Variants in OR56A1 observed in about 807,000 individuals in gnomAD.
The protein encoded by OR56A1 is olfactory receptor 56A1.
For missense variants in OR56A1, 360 were observed against 380.9 expected, an observed-to-expected ratio of 0.94 and a Z score of 0.46; for synonymous variants, 174 against 159.1, an observed-to-expected ratio of 1.09 and a Z score of -0.70.
intron 1 of OR56A1, among the ~76,000 whole-genome samples, chr11:6,028,099 T>C (rs1848475280): frequency 1.3e-5 from 2 of 152,124 alleles, no homozygotes; most frequent in Admixed American, 1.3e-4. Flanking sequence ...TTTAATTAGG[T>C]CTTTGCTTTC....
In OR56A1 at chr11:6,027,590, T is replaced by C. The variant is rs753593125; in HGVS notation, c.103A>G (p.Ser35Gly). The C allele has an allele frequency of 1.2e-6, 2 of 1,613,872 alleles. No individual in the cohort carries two copies. The highest frequency in any genetic ancestry group is 2.2e-5 in the East Asian group (1 of 44,862). ...SWQHWLSLPL[S>G]LLFLLAMGAN... ...CCCATGGCCAGGAGGAAGAGAAGGC[T>C]GAGGGGCAGGGAGAGCCAGTGCTGC... The change falls in exon 2 of 2, where the codon AGC becomes GGC. Residue 35 changes from serine to glycine, a missense_variant. Physicochemically the swap from Ser to Gly is moderately conservative, Grantham distance 56. Transcript: ENST00000641900.
rs759154369 is a variant in OR56A1 at position 6,020,833 on chromosome 11, CTAA to C, written c.*5912_*5914del. The C allele has an allele frequency of 8.5e-5, 13 of 152,060 alleles. No homozygotes were observed. The highest frequency in any genetic ancestry group is 1.5e-4 in the Non-Finnish European group (10 of 67,972). The allele number at this position is 152,060 out of a possible 1,614,324, so 9.4% of individuals were successfully genotyped here. On this transcript the variant is annotated 3_prime_UTR_variant, in exon 2 of 2. Coordinates refer to ENST00000641900, the MANE Select transcript of OR56A1 (RefSeq NM_001388488.1). ...TGCCTGATTGCTCTGGCTAGGACTTCTAATACTATGTTGAACAGAAGTGGTGAG... is the reference window on the plus strand; with the variant it reads ...TGCCTGATTGCTCTGGCTAGGACTTCTACTATGTTGAACAGAAGTGGTGAG...
intron 1 of OR56A1, among the ~76,000 whole-genome samples, chr11:6,028,285 C>T (rs902601087): frequency 5.3e-5 from 8 of 150,582 alleles, no homozygotes; most frequent in Non-Finnish European, 7.4e-5. Flanking sequence ...CATCCTAGTG[C>T]TCCTGGAATA....
At chr11:6,028,086 A>G (rs1023742563) in intron 1 of OR56A1, among the ~76,000 whole-genome samples, 8 of 152,140 alleles carry the variant, frequency 5.3e-5, no homozygotes, top group Admixed American at 3.9e-4. Context: ...GGAGAAAAAT[A>G]GCTTTAATTA....
intron 1 of OR56A1, among the ~76,000 whole-genome samples, chr11:6,030,382 CA>C (rs147173456): frequency 0.13 from 20,262 of 151,936 alleles, 1,806 homozygotes; most frequent in Non-Finnish European, 0.2. Flanking sequence ...GGGAAGAAAC[CA>C]TGTGTGGTTT....
upstream of OR56A1, among the ~76,000 whole-genome samples, chr11:6,033,996 A>G (rs1018701212): frequency 4.6e-5 from 7 of 152,144 alleles, no homozygotes; most frequent in Non-Finnish European, 7.4e-5. Flanking sequence ...TGTGGGATCT[A>G]TAGACCTTCT....
Position 6,019,761 on chromosome 11 carries a change from C to T in OR56A1, c.*6987G>A, listed in dbSNP as rs998397136. The T allele has an allele frequency of 6.6e-6, 1 of 152,092 alleles. No individual in the cohort carries two copies. Among genetic ancestry groups the T allele is most frequent in the African/African-American group, 2.4e-5 (1 of 41,436 alleles). 9.4% of individuals were successfully genotyped at this position (152,092 alleles called of 1,614,324 possible). ...TAAGATACTAAACCTGACTTCTAAA[C>T]TTAAAATTCAAGTTCTCATTAAGCC... On this transcript the variant is annotated 3_prime_UTR_variant, in exon 2 of 2. Coordinates refer to ENST00000641900, the MANE Select transcript of OR56A1 (RefSeq NM_001388488.1).
At chr11:6,031,607 A>ACC (rs974252069), upstream of OR56A1, among the ~76,000 whole-genome samples, 39 of 152,284 alleles carry the variant, frequency 2.6e-4, no homozygotes, top group East Asian at 6.8e-3. Flanking sequence ...AATAGGTGAG[A>ACC]AGCCCAGAGT....
upstream of OR56A1, among the ~76,000 whole-genome samples, chr11:6,030,988 T>C (rs1590491021): frequency 6.6e-6 from 1 of 152,260 alleles, no homozygotes; most frequent in Middle Eastern, 3.4e-3. Context: ...ATGAGCAGAA[T>C]AATAGGAAGG....
At chr11:6,028,065 T>C (rs1329572518) in intron 1 of OR56A1, among the ~76,000 whole-genome samples, 1 of 152,176 alleles carries the variant, frequency 6.6e-6, no homozygotes, top group Non-Finnish European at 1.5e-5. Context: ...AGTTTTTTAA[T>C]AAATCATTTT....
chr11:6,022,455 A>T lies in OR56A1; in HGVS notation c.*4293T>A, dbSNP rs899404054. The T allele has an allele frequency of 5.3e-5, 8 of 152,154 alleles. No individual in the cohort carries two copies. The highest frequency in any genetic ancestry group is 1.9e-4 in the African/African-American group (8 of 41,430). The allele number at this position is 152,154 out of a possible 1,614,324, so 9.4% of individuals were successfully genotyped here. On this transcript the variant is annotated 3_prime_UTR_variant, in exon 2 of 2. Transcript: ENST00000641900. ...TGTGCTATCATTGTTACAGTAGCTAACTTTAATTGCATTGACTAATTCAAT... is the reference window on the plus strand; with the variant it reads ...TGTGCTATCATTGTTACAGTAGCTATCTTTAATTGCATTGACTAATTCAAT...
In OR56A1 at chr11:6,027,349, G is replaced by A. The variant is rs1367517017; in HGVS notation, c.344C>T (p.Ser115Phe). 9 of 1,614,196 alleles carry A rather than the reference G, an allele frequency of 5.6e-6. No homozygotes were observed. In the East Asian group the frequency reaches 6.7e-5, roughly 12 times the overall value. Reference protein sequence around the residue: ...FIMNSFLPMESCTFMVMAYDR... With the variant: ...FIMNSFLPMEFCTFMVMAYDR... The stretch of plus-strand genomic sequence containing the variant: ...ATAGGCCATGACCATAAACGTGCAG[G>A]ACTCCATGGGGAGGAAACTGTTCAT... Residue 115 changes from serine (S) to phenylalanine (F), a missense_variant, in exon 2 of 2, where the codon TCC (serine) becomes TTC (phenylalanine). Physicochemically the swap from Ser to Phe is radical, Grantham distance 155. Transcript: ENST00000641900.
chr11:6,027,325 T>A lies in OR56A1; in HGVS notation c.368A>T (p.Tyr123Phe), dbSNP rs1729047994. ...MESCTFMVMAYDRYVAICHPL... is the reference protein window; with the variant it reads ...MESCTFMVMAFDRYVAICHPL... ...GTGGCAGATGGCCACATAACGGTCATAGGCCATGACCATAAACGTGCAGGA... is the reference window on the plus strand; with the variant it reads ...GTGGCAGATGGCCACATAACGGTCAAAGGCCATGACCATAAACGTGCAGGA... Residue 123 changes from tyrosine to phenylalanine, a missense_variant, in exon 2 of 2, where the codon TAT (tyrosine) becomes TTT (phenylalanine). Tyr to Phe is a conservative substitution (Grantham distance 22). Transcript: ENST00000641900. 1 of 1,614,230 alleles carries A rather than the reference T, an allele frequency of 6.2e-7. No homozygotes were observed. Among genetic ancestry groups the A allele is most frequent in the Non-Finnish European group, 8.5e-7 (1 of 1,180,046 alleles).
intron 1 of OR56A1, among the ~76,000 whole-genome samples, chr11:6,029,520 G>A (rs1179740125): frequency 3.3e-5 from 5 of 151,972 alleles, no homozygotes; most frequent in Non-Finnish European, 5.9e-5. Flanking sequence ...ACTTCAATTT[G>A]GCTTCCATCT....
In OR56A1 at chr11:6,027,192, G is replaced by A. The variant is rs753850274; in HGVS notation, c.501C>T (p.Ser167=). The A allele has an allele frequency of 9.9e-6, 16 of 1,614,128 alleles. No individual in the cohort carries two copies. The highest frequency in any genetic ancestry group is 1.4e-5 in the Non-Finnish European group (16 of 1,180,044). ...LLTAPIPILT[S]LLHYCGENVI... ...CATTTTCCCCACAGTAATGGAGCAG[G>A]GAAGTGAGGATAGGAATGGGTGCAG... Residue 167 remains serine (S), a synonymous_variant, in exon 2 of 2, where the codon TCC becomes TCT. Coordinates refer to ENST00000641900, the MANE Select transcript of OR56A1 (RefSeq NM_001388488.1).
upstream of OR56A1, among the ~76,000 whole-genome samples, chr11:6,033,339 A>G (rs918984108): frequency 6.6e-6 from 1 of 151,764 alleles, no homozygotes; most frequent in Non-Finnish European, 1.5e-5. Context: ...ACATAAGTCA[A>G]TAATGTGGTC....
chr11:6,030,823 C>G (rs1848505254), upstream of OR56A1: 1 of 152,000 alleles, frequency 6.6e-6, no homozygotes, highest in South Asian at 2.1e-4. Flanking sequence ...GAACCATCCT[C>G]ATCATCTGTA....
rs1414271013 is a variant in OR56A1, at chr11:6,019,736, T to C, written c.*7012A>G. ...ACAATATGTCAGGCAACAGCATAAC[T>C]AAGATACTAAACCTGACTTCTAAAC... On this transcript the variant is annotated 3_prime_UTR_variant, in exon 2 of 2. Transcript: ENST00000641900. 1 of 152,118 alleles carries C rather than the reference T, an allele frequency of 6.6e-6. No homozygotes were observed. 9.4% of individuals were successfully genotyped at this position (152,118 alleles called of 1,614,324 possible). A position where few individuals can be genotyped will look rare whatever the true frequency, so the allele number is the denominator to read the frequency against.
Position 6,021,297 on chromosome 11 carries a change from A to G in OR56A1, c.*5451T>C, listed in dbSNP as rs1289360036. ...AAAATGTATTGATCCTACACAAATT[A>G]CAATTAGAAAGGAGAAACAAGTACT... On this transcript the variant is annotated 3_prime_UTR_variant, in exon 2 of 2. Coordinates refer to ENST00000641900, the MANE Select transcript of OR56A1 (RefSeq NM_001388488.1). The G allele has an allele frequency of 6.6e-6, 1 of 152,096 alleles. No individual in the cohort carries two copies. The highest frequency in any genetic ancestry group is 6.6e-5 in the Admixed American group (1 of 15,262). The allele number at this position is 152,096 out of a possible 1,614,324, so 9.4% of individuals were successfully genotyped here.
Sources: gnomAD v4.1 joint callset for allele counts (sites outside exome capture counted in the v4.1 genomes callset) on GRCh38, gnomAD v4.1.1 for gene constraint, MANE v1.5 for transcripts, NCBI Gene and HGNC (gene_info 2026-07-23, HGNC 2026-07-21) for gene names.